EPB41L5: variants seen among roughly 807,000 people sequenced by gnomAD.
EPB41L5 encodes the protein erythrocyte membrane protein band 4.1 like 5.
A neutral mutation model predicts 106.6 loss-of-function variants in EPB41L5; 55 were observed. The observed-to-expected ratio is 0.52, with a 90% CI of 0.42 to 0.65. The LOEUF (loss-of-function observed/expected upper bound fraction) is 0.65. EPB41L5 is among the 30% of genes least tolerant of loss of function. The probability of loss-of-function intolerance (pLI) is 0.00; values close to 1 mark genes in which losing one functional copy is unlikely to be tolerated. For missense variants in EPB41L5, 871 were observed against 882.1 expected, an observed-to-expected ratio of 0.99 and a Z score of 0.16; for synonymous variants, 297 against 306.7, an observed-to-expected ratio of 0.97 and a Z score of 0.33.
chr2:120,053,582 A>G (rs1236904526), intron 3 of EPB41L5, among the ~76,000 whole-genome samples: 3 of 152,306 alleles, frequency 2.0e-5, no homozygotes, highest in African/African-American at 7.2e-5. Flanking sequence ...GAATCATGTA[A>G]TAGGTGGCCT....
chr2:120,093,124 A>G, intron 13 of EPB41L5, 125 bp from the exon 14 acceptor site: 1 of 837,660 alleles, frequency 1.2e-6, no homozygotes, highest in Non-Finnish European at 2.0e-6. Flanking sequence ...CCTTTCTCAA[A>G]GAAATAAATT....
chr2:120,100,186 A>C (rs989275291), intron 14 of EPB41L5, 58 bp from the exon 15 acceptor site: 11 of 1,362,186 alleles, frequency 8.1e-6, no homozygotes, highest in Non-Finnish European at 1.0e-5. Flanking sequence ...TTATCTTACA[A>C]AATGAAGTCC....
At chr2:120,107,979 A>G (rs983000010) in intron 16 of EPB41L5, among the ~76,000 whole-genome samples, 19 of 152,212 alleles carry the variant, frequency 1.2e-4, no homozygotes, top group African/African-American at 4.6e-4. Context: ...GAATGAGTGA[A>G]GAGAAGAGAA....
intron 16 of EPB41L5, chr2:120,105,049 A>T: frequency 5.1e-6 from 5 of 983,988 alleles, no homozygotes; most frequent in Non-Finnish European, 6.0e-6. Flanking sequence ...CAGATTACCC[A>T]GGTTTGCAAC....
chr2:120,057,511 A>G (rs1005718640), intron 3 of EPB41L5, among the ~76,000 whole-genome samples: 2 of 152,198 alleles, frequency 1.3e-5, no homozygotes, highest in African/African-American at 4.8e-5. Context: ...GAATTCTCCA[A>G]TTTAGTAACC....
At chr2:120,070,864 A>G (rs988078216) in intron 3 of EPB41L5, among the ~76,000 whole-genome samples, 1 of 152,192 alleles carries the variant, frequency 6.6e-6, no homozygotes, top group Admixed American at 6.5e-5. Flanking sequence ...ATTTATGACA[A>G]ACCCACAGCC....
intron 3 of EPB41L5, among the ~76,000 whole-genome samples, chr2:120,072,832 A>T (rs758546158): frequency 6.6e-6 from 1 of 152,040 alleles, no homozygotes; most frequent in Non-Finnish European, 1.5e-5. Context: ...TCTAATGTAG[A>T]TGATGTGTTG....
chr2:120,173,096 A>C (rs1687757248), intron 24 of EPB41L5, among the ~76,000 whole-genome samples: 1 of 152,206 alleles, frequency 6.6e-6, no homozygotes, highest in Admixed American at 6.5e-5. Flanking sequence ...CTAAGCCATC[A>C]CGACAACAAA....
At chr2:120,144,894 A>G (rs1208241211) in intron 19 of EPB41L5, among the ~76,000 whole-genome samples, 1 of 152,266 alleles carries the variant, frequency 6.6e-6, no homozygotes, top group Non-Finnish European at 1.5e-5. Flanking sequence ...TAAAAAATAC[A>G]TAAAATTGTC....
chr2:120,057,079 A>C (rs935389111), intron 3 of EPB41L5, among the ~76,000 whole-genome samples: 2 of 151,986 alleles, frequency 1.3e-5, no homozygotes, highest in Non-Finnish European at 2.9e-5. Context: ...TTTTTTGTAG[A>C]GATGGGGGCT....
chr2:120,173,490 A>G (rs1687780502), intron 24 of EPB41L5, among the ~76,000 whole-genome samples: 1 of 152,218 alleles, frequency 6.6e-6, no homozygotes, highest in African/African-American at 2.4e-5. Context: ...CAAATTCTAG[A>G]GACCCCACTT....
At position 120,177,027 on chromosome 2, in the gene EPB41L5, C is replaced by T. The variant is rs764803237; in HGVS notation, c.*2120C>T. 6.6e-6 allele frequency: 1 copy of T among 152,124 alleles called. No homozygotes were observed. Among genetic ancestry groups the T allele is most frequent in the Non-Finnish European group, 1.5e-5 (1 of 68,026 alleles). 9.4% of individuals were successfully genotyped at this position (152,124 alleles called of 1,614,324 possible). ...ATGCCCTGACATGAAGTGGCAAACA[C>T]GGAAGTTCATACTTGAATGCTGAAT... On this transcript the variant is annotated 3_prime_UTR_variant, in exon 25 of 25. Transcript: ENST00000263713.
intron 2 of EPB41L5, among the ~76,000 whole-genome samples, chr2:120,033,708 CAAAAAAA>C (rs3084761): frequency 3.1e-5 from 3 of 97,398 alleles, no homozygotes; most frequent in African/African-American, 4.1e-5. Flanking sequence ...AACTCCATCT[CAAAAAAA>C]AAAAAAAAAA....
At chr2:120,093,604 A>G (rs1218980176) in intron 14 of EPB41L5, among the ~76,000 whole-genome samples, 2 of 152,232 alleles carry the variant, frequency 1.3e-5, no homozygotes, top group African/African-American at 2.4e-5. Context: ...GTTGATTTGC[A>G]AATAGGCAAT....
chr2:120,128,585 T>TA (rs760199500), intron 17 of EPB41L5, among the ~76,000 whole-genome samples: 21 of 152,298 alleles, frequency 1.4e-4, no homozygotes, highest in Middle Eastern at 3.4e-3. Context: ...GAAATAAATG[T>TA]TAGTGAAAAG....
chr2:120,042,086 A>T lies in EPB41L5; in HGVS notation c.261A>T (p.Arg87Ser). 6.2e-7 allele frequency: 1 copy of T among 1,613,520 alleles called. No individual in the cohort carries two copies. The highest frequency in any genetic ancestry group is 1.1e-5 in the South Asian group (1 of 91,050). ...TTGAAAGCGACTATTTTGGTCTGAG[A>T]TTTATGGATTCAGCACAAGTAGCAG... Reference protein sequence around the residue: ...DLIESDYFGLRFMDSAQVAHW... With the variant: ...DLIESDYFGLSFMDSAQVAHW... Residue 87 changes from arginine (R) to serine (S), a missense_variant, in exon 3 of 25, where the codon AGA becomes AGT. Coordinates refer to ENST00000263713, the MANE Select transcript of EPB41L5 (RefSeq NM_020909.4).
chr2:120,135,423 A>T (rs571797844), intron 18 of EPB41L5, among the ~76,000 whole-genome samples: 1 of 152,328 alleles, frequency 6.6e-6, no homozygotes, highest in South Asian at 2.1e-4. Context: ...AAAGATATCA[A>T]TATTCAAGTA....
At chr2:120,015,439 C>T (rs1441001875) in intron 1 of EPB41L5, among the ~76,000 whole-genome samples, 1 of 152,044 alleles carries the variant, frequency 6.6e-6, no homozygotes, top group Admixed American at 6.6e-5. Flanking sequence ...ACATGAGCCA[C>T]TGTACCCAGC....
At position 120,061,031 on chromosome 2, in the gene EPB41L5, G is replaced by GTTTTTTTTTTTTTTTT. The variant is rs375754153; in HGVS notation, c.286-12135_286-12120dup. Among the ~76,000 whole-genome samples, 40 of 69,128 alleles carry GTTTTTTTTTTTTTTTT rather than the reference G, an allele frequency of 5.8e-4. 11 individuals are homozygous for GTTTTTTTTTTTTTTTT. The highest frequency in any genetic ancestry group is 8.4e-4 in the Non-Finnish European group (33 of 39,326). 45.4% of individuals were successfully genotyped at this position (69,128 alleles called of 152,430 possible). On this transcript the variant is annotated intron_variant, in intron 3 of 24. Coordinates refer to ENST00000263713, the MANE Select transcript of EPB41L5 (RefSeq NM_020909.4). ...TTAGAATTTTAACTGGTTCAGGGAA[G>GTTTTTTTTTTTTTTTT]TTTTTTTTTTTTTTTTTTTTTTTTT...
Sources: gnomAD v4.1 joint callset for allele counts (sites outside exome capture counted in the v4.1 genomes callset) on GRCh38, gnomAD v4.1.1 for gene constraint, MANE v1.5 for transcripts, NCBI Gene and HGNC (gene_info 2026-07-23, HGNC 2026-07-21) for gene names.